The following MYRIP variants were observed in gnomAD, a reference collection of about 807,000 sequenced individuals.
MYRIP encodes the protein rab effector MyRIP.
In MYRIP, 49 loss-of-function variants were observed where a neutral mutation model predicts 98.0. That is an observed-to-expected ratio of 0.50 (90% CI 0.40 to 0.63). MYRIP has a LOEUF of 0.63. Among genes scored for constraint, MYRIP ranks in the 30% least tolerant of loss-of-function variants. The probability of loss-of-function intolerance (pLI) is 0.00; values close to 1 mark genes in which losing one functional copy is unlikely to be tolerated. For missense variants in MYRIP, 1,004 were observed against 1,058.2 expected (o/e 0.95, Z 0.71); for synonymous variants, 404 against 409.5 (o/e 0.99, Z 0.16).
intron 1 of MYRIP, among the ~76,000 whole-genome samples, chr3:39,819,109 G>T (rs1355453895): frequency 6.6e-6 from 1 of 152,200 alleles, no homozygotes; most frequent in Non-Finnish European, 1.5e-5. Flanking sequence ...AACACTTTGG[G>T]AGGCCGAGGT....
chr3:40,240,446 G>A (rs142510439), intron 12 of MYRIP, among the ~76,000 whole-genome samples: 5 of 152,196 alleles, frequency 3.3e-5, no homozygotes, highest in Non-Finnish European at 7.3e-5. Flanking sequence ...CACTGTGCAC[G>A]AGCTGAAGCA....
In MYRIP at chr3:39,934,386, A is replaced by G. The variant is rs894289487; in HGVS notation, c.110+33460A>G. Reference sequence around the variant, plus strand: ...GAGGACCCAAGATCACACTTGAGATATGGGCTTCAGAAAGCAAGATGAACA... The same window carrying G: ...GAGGACCCAAGATCACACTTGAGATGTGGGCTTCAGAAAGCAAGATGAACA... On this transcript the variant is annotated intron_variant, in intron 2 of 16. Transcript: ENST00000302541. Among the ~76,000 whole-genome samples the G allele has an allele frequency of 2.0e-5, 3 of 152,070 alleles. No homozygotes were observed. In the East Asian group the frequency reaches 5.8e-4, roughly 29 times the overall value.
At chr3:39,903,847 T>C (rs1943808358) in intron 2 of MYRIP, among the ~76,000 whole-genome samples, 1 of 152,214 alleles carries the variant, frequency 6.6e-6, no homozygotes, top group Non-Finnish European at 1.5e-5. Flanking sequence ...GTTAAACCAT[T>C]TCAAAACTGT....
chr3:40,067,679 C>T (rs1470280055), intron 3 of MYRIP, among the ~76,000 whole-genome samples: 1 of 152,148 alleles, frequency 6.6e-6, no homozygotes, highest in Non-Finnish European at 1.5e-5. Flanking sequence ...AGCTTTTCCA[C>T]TGGTGTAGAA....
intron 10 of MYRIP, among the ~76,000 whole-genome samples, chr3:40,205,931 T>C (rs1459104089): frequency 1.3e-5 from 2 of 152,188 alleles, no homozygotes; most frequent in South Asian, 2.1e-4. Context: ...CCATTTCCTG[T>C]TCAATCAACA....
intron 10 of MYRIP, among the ~76,000 whole-genome samples, chr3:40,197,571 G>C (rs1415860564): frequency 1.3e-5 from 2 of 152,150 alleles, no homozygotes; most frequent in Non-Finnish European, 2.9e-5. Context: ...GTCTATGTCT[G>C]CTTCTGTGTT....
chr3:40,110,341 C>T (rs543289054), intron 3 of MYRIP, among the ~76,000 whole-genome samples: 1 of 152,292 alleles, frequency 6.6e-6, no homozygotes, highest in Admixed American at 6.5e-5. Flanking sequence ...GAAAAAAAGG[C>T]CTTTCCAGTC....
chr3:39,828,557 T>C (rs764724173), intron 1 of MYRIP, among the ~76,000 whole-genome samples: 6 of 152,136 alleles, frequency 3.9e-5, no homozygotes, highest in Non-Finnish European at 8.8e-5. Context: ...TGGAGATTTG[T>C]GAGAGGCTGG....
intron 3 of MYRIP, among the ~76,000 whole-genome samples, chr3:40,095,267 T>A (rs1248731151): frequency 6.6e-6 from 1 of 152,208 alleles, no homozygotes; most frequent in Non-Finnish European, 1.5e-5. Flanking sequence ...TCAAGTCCCT[T>A]CAGGGAAGAC....
intron 16 of MYRIP, among the ~76,000 whole-genome samples, chr3:40,257,761 A>G (rs1002183022): frequency 4.6e-5 from 7 of 152,252 alleles, no homozygotes; most frequent in African/African-American, 1.7e-4. Context: ...CATTAATGAA[A>G]TAAATAGCCC....
intron 1 of MYRIP, among the ~76,000 whole-genome samples, chr3:39,858,811 AG>A (rs965609180): frequency 2.6e-5 from 4 of 152,096 alleles, no homozygotes. Context: ...ATAAATCAAA[AG>A]GGAAATTTTT....
In MYRIP at chr3:40,162,806, A is replaced by G; in HGVS notation, c.546A>G (p.Ser182=). 1 of 1,613,896 alleles carries G rather than the reference A, an allele frequency of 6.2e-7. No individual in the cohort carries two copies. Among genetic ancestry groups the G allele is most frequent in the South Asian group, 1.1e-5 (1 of 91,068 alleles). ...GTGATTCAACATTTTATAGGCAGTC[A>G]GAAGGTAAAGTTGCTTAAGAGTTTA... ...SGSDSTFYRQ[S]EGHSVMDTLA... is the part of the protein sequence containing the mutation. The change falls in exon 5 of 17, where the codon TCA becomes TCG. Residue 182 remains serine, a synonymous_variant. Coordinates refer to ENST00000302541, the MANE Select transcript of MYRIP (RefSeq NM_015460.4).
chr3:40,248,300 A>G (rs1345557013), intron 13 of MYRIP: 5 of 152,198 alleles, frequency 3.3e-5, no homozygotes, highest in East Asian at 1.9e-4. Context: ...TGTCTCTATG[A>G]GAGTTCCTGG....
chr3:40,025,322 A>T (rs1397158904), intron 2 of MYRIP, among the ~76,000 whole-genome samples: 2 of 152,128 alleles, frequency 1.3e-5, no homozygotes, highest in African/African-American at 4.8e-5. Context: ...TTTACTCATA[A>T]ATCTGTGGTA....
intron 2 of MYRIP, among the ~76,000 whole-genome samples, chr3:39,991,338 T>C (rs1279567537): frequency 2.6e-5 from 4 of 152,094 alleles, no homozygotes; most frequent in African/African-American, 2.4e-5. Context: ...TACTCCAACT[T>C]CTCATTTCCA....
chr3:40,178,638 A>G (rs1325920124), intron 8 of MYRIP, among the ~76,000 whole-genome samples: 1 of 152,230 alleles, frequency 6.6e-6, no homozygotes, highest in Admixed American at 6.5e-5. Flanking sequence ...TACTTAATAA[A>G]TGCTCTTATT....
chr3:40,160,857 C>T (rs544759713), intron 4 of MYRIP, among the ~76,000 whole-genome samples: 7 of 152,290 alleles, frequency 4.6e-5, no homozygotes, highest in South Asian at 2.1e-4. Context: ...TGCCCTGCTT[C>T]GGTTCGCACA....
rs919797209 is a variant in MYRIP, at chr3:39,838,552, A to C, written c.-31+28636A>C. Among the ~76,000 whole-genome samples, 4 of 152,122 alleles carry C rather than the reference A, an allele frequency of 2.6e-5. No homozygotes were observed. In the South Asian group the frequency reaches 8.3e-4, roughly 32 times the overall value. On this transcript the variant is annotated intron_variant, in intron 1 of 16. Coordinates refer to ENST00000302541, the MANE Select transcript of MYRIP (RefSeq NM_015460.4). ...GTTGAACCAGCCTTGCATCCCAGGG[A>C]TGAAGCTGACTTGATCTTGGTGGAT... is the stretch of plus-strand genomic sequence containing the variant.
intron 3 of MYRIP, among the ~76,000 whole-genome samples, chr3:40,079,930 A>G (rs1433953029): frequency 1.3e-5 from 2 of 152,228 alleles, no homozygotes; most frequent in African/African-American, 4.8e-5. Context: ...TAATTTTACC[A>G]TATTAAAACA....
Sources: gnomAD v4.1 joint callset for allele counts (sites outside exome capture counted in the v4.1 genomes callset) on GRCh38, gnomAD v4.1.1 for gene constraint, MANE v1.5 for transcripts, NCBI Gene and HGNC (gene_info 2026-07-23, HGNC 2026-07-21) for gene names.